Variants in BEND2 observed in about 807,000 individuals in gnomAD.
BEND2 encodes BEN domain containing 2.
In BEND2, 19 loss-of-function variants were observed where a neutral mutation model predicts 43.8. That is an observed-to-expected ratio of 0.43 (90% confidence interval 0.30 to 0.64). The LOEUF (loss-of-function observed/expected upper bound fraction) is 0.64, where lower values mean the gene tolerates loss of function less well. BEND2 is among the 30% of genes least tolerant of loss of function. The pLI is 0.11. For missense variants in BEND2, 544 were observed against 574.0 expected (o/e 0.95, Z 0.53); for synonymous variants, 226 against 210.1 (o/e 1.08, Z -0.66).
At chrX:18,195,583 T>C (rs1349929389) in intron 6 of BEND2, 141 bp from the exon 7 acceptor site, 1 of 578,403 alleles carries the variant, frequency 1.7e-6, no homozygotes, top group Admixed American at 4.2e-5. Flanking sequence ...TATAAAAGGT[T>C]AAAGGAAAAT....
intron 1 of BEND2, among the ~76,000 whole-genome samples, chrX:18,217,672 A>G (rs1365991840): frequency 9.0e-6 from 1 of 111,107 alleles, no homozygotes; most frequent in Non-Finnish European, 1.9e-5. Context: ...GTCTTCATGG[A>G]AAAAAAATAG....
Position 18,201,891 on chromosome X carries a change from C to A in BEND2, c.957G>T (p.Ala319=). 2 of 1,209,598 alleles carry A rather than the reference C, an allele frequency of 1.7e-6. No individual in the cohort carries two copies. The highest frequency in any genetic ancestry group is 2.2e-5 in the Admixed American group (1 of 45,723). ...AATTTCCCATTAAAGTTGGATAATT[C>A]GCTGTCTCAGTGCTGTTTTTACTGC... ...ANSSKNSTET[A]NYPTLMGNYN... The change falls in exon 6 of 14, where the codon GCG becomes GCT. Residue 319 remains alanine (A), a synonymous_variant. Coordinates refer to ENST00000380033, the MANE Select transcript of BEND2 (RefSeq NM_153346.5).
chrX:18,176,272 A>G (rs1361602093), intron 10 of BEND2, among the ~76,000 whole-genome samples, 179 bp from the exon 11 acceptor site: 1 of 107,119 alleles, frequency 9.3e-6, no homozygotes, highest in Non-Finnish European at 1.9e-5. Flanking sequence ...GAGTTTAGAA[A>G]TTCCACCCAA....
chrX:18,181,759 A>G (rs190337414), intron 8 of BEND2, among the ~76,000 whole-genome samples: 138 of 111,979 alleles, frequency 1.2e-3, no homozygotes, highest in African/African-American at 4.3e-3. Context: ...ACAAATCAAT[A>G]TACTCAAAAA....
chrX:18,196,733 T>TTTATA (rs1273062679), intron 6 of BEND2, among the ~76,000 whole-genome samples: 1 of 108,701 alleles, frequency 9.2e-6, no homozygotes, highest in Non-Finnish European at 1.9e-5. Context: ...TAAGATTCCC[T>TTTATA]TTATATTACA....
At chrX:18,208,499 T>TA (rs1468485030) in intron 4 of BEND2, among the ~76,000 whole-genome samples, 1 of 110,469 alleles carries the variant, frequency 9.1e-6, no homozygotes, top group Non-Finnish European at 1.9e-5. Context: ...TATATATATA[T>TA]AAAAAATAAG....
intron 7 of BEND2, among the ~76,000 whole-genome samples, chrX:18,194,898 A>G (rs1317978934): frequency 9.1e-6 from 1 of 109,566 alleles, no homozygotes; most frequent in East Asian, 2.9e-4. Context: ...CCTCATGCTG[A>G]TGGAAATGAT....
Position 18,203,743 on chromosome X carries a change from GC to G in BEND2, c.664del (p.Ala222HisfsTer55), listed in dbSNP as rs1407116009. 3.3e-6 allele frequency: 4 copies of G among 1,209,581 alleles called. No individual in the cohort carries two copies. Among genetic ancestry groups the G allele is most frequent in the Non-Finnish European group, 4.5e-6 (4 of 894,602 alleles). On this transcript the variant is annotated frameshift_variant, in exon 5 of 14. Transcript: ENST00000380033. LOFTEE classifies it high-confidence loss of function. ...GAAACAAGGAAATGAGCCACCTTGT[GC>G]GACATACTGCTGTAATGAACTTGAG... ...VSSSSLQQYV[A>X]QGGSFPCFGM... is the part of the protein sequence containing the mutation.
At chrX:18,170,066 T>G (rs1314248063) in intron 13 of BEND2, among the ~76,000 whole-genome samples, 1 of 111,749 alleles carries the variant, frequency 8.9e-6, no homozygotes, top group Non-Finnish European at 1.9e-5. Context: ...GAAATTGAGT[T>G]TAGTTTTTTT....
At chrX:18,177,440 G>A in intron 10 of BEND2, 129 bp downstream of exon 10, 1 of 691,654 alleles carries the variant, frequency 1.4e-6, no homozygotes, top group Admixed American at 2.9e-5. Flanking sequence ...GGGTCAGACA[G>A]GTGAAAAAAA....
intron 2 of BEND2, among the ~76,000 whole-genome samples, chrX:18,214,809 T>G (rs1203386421): frequency 4.9e-5 from 1 of 20,579 alleles, no homozygotes; most frequent in Non-Finnish European, 7.6e-5. Flanking sequence ...AGACTCTGTC[T>G]CAAAAAAAAA....
Position 18,166,724 on chromosome X carries a change from C to T in BEND2, c.2186-1501G>A, listed in dbSNP as rs182837786. Among the ~76,000 whole-genome samples, 259 of 109,604 alleles carry T rather than the reference C, an allele frequency of 2.4e-3. 1 individual carries two copies. Among genetic ancestry groups the T allele is most frequent in the African/African-American group, 8.4e-3 (254 of 30,095 alleles). On this transcript the variant is annotated intron_variant, in intron 13 of 13. Coordinates refer to ENST00000380033, the MANE Select transcript of BEND2 (RefSeq NM_153346.5). ...CAACAATGGTGAAACCCCGTCTCTA[C>T]TAAAAATACAAAAAAATTAGCCAGG...
chrX:18,207,590 A>G (rs1434643546), intron 4 of BEND2, among the ~76,000 whole-genome samples: 1 of 112,601 alleles, frequency 8.9e-6, no homozygotes, highest in Non-Finnish European at 1.9e-5. Context: ...TTTGTGAAAA[A>G]AAAAGGGGCT....
At chrX:18,186,224 G>A (rs764554239) in intron 8 of BEND2, among the ~76,000 whole-genome samples, 1 of 111,419 alleles carries the variant, frequency 9.0e-6, no homozygotes, top group Admixed American at 9.5e-5. Flanking sequence ...TTGGGAGGCC[G>A]AGGCAGGCAG....
At chrX:18,165,907 C>A (rs1396408147) in intron 13 of BEND2, among the ~76,000 whole-genome samples, 1 of 111,836 alleles carries the variant, frequency 8.9e-6, no homozygotes, top group Non-Finnish European at 1.9e-5. Context: ...ATCTGGTGAT[C>A]CCTACAGGTT....
chrX:18,196,668 T>C (rs1451109183), intron 6 of BEND2, among the ~76,000 whole-genome samples: 20 of 93,961 alleles, frequency 2.1e-4, no homozygotes, highest in Non-Finnish European at 3.8e-4. Flanking sequence ...ACAACCTGTA[T>C]AAGCCTTTAG....
chrX:18,171,654 C>T (rs183064885), intron 12 of BEND2, among the ~76,000 whole-genome samples: 31 of 111,564 alleles, frequency 2.8e-4, no homozygotes, highest in Non-Finnish European at 7.5e-5. Flanking sequence ...TAAAGCCTTA[C>T]GTTTTTAGTG....
intron 8 of BEND2, among the ~76,000 whole-genome samples, chrX:18,182,428 C>T (rs1924415106): frequency 9.0e-6 from 1 of 111,373 alleles, no homozygotes; most frequent in Non-Finnish European, 1.9e-5. Flanking sequence ...GTCTCAGGTA[C>T]TTCTTTATAG....
chrX:18,181,076 A>T (rs902917466), intron 8 of BEND2, among the ~76,000 whole-genome samples: 1 of 111,521 alleles, frequency 9.0e-6, no homozygotes, highest in African/African-American at 3.3e-5. Flanking sequence ...CTAAAAGAAG[A>T]TCTTCAAACA....
Sources: gnomAD v4.1 joint callset for allele counts (sites outside exome capture counted in the v4.1 genomes callset) on GRCh38, gnomAD v4.1.1 for gene constraint, MANE v1.5 for transcripts, NCBI Gene and HGNC (gene_info 2026-07-23, HGNC 2026-07-21) for gene names.